Variants in GUCY1A2 observed in about 807,000 individuals in gnomAD.
GUCY1A2 encodes the protein guanylate cyclase soluble subunit alpha-2.
A neutral mutation model predicts 63.5 loss-of-function variants in GUCY1A2; 27 were observed. That is an observed-to-expected ratio of 0.43 (90% confidence interval 0.31 to 0.59). The LOEUF is 0.59. Among genes scored for constraint, GUCY1A2 ranks in the 20% least tolerant of loss-of-function variants. GUCY1A2 has a pLI of 0.11. For synonymous variants in GUCY1A2, 364 were observed against 343.5 expected (o/e 1.06, Z -0.66); for missense variants, 768 against 913.3 (o/e 0.84, Z 2.05).
intron 6 of GUCY1A2, among the ~76,000 whole-genome samples, chr11:106,755,108 T>G (rs1440440941): frequency 6.6e-6 from 1 of 152,208 alleles, no homozygotes; most frequent in Non-Finnish European, 1.5e-5. Flanking sequence ...ATTTATCAGT[T>G]TCTTCCTGAT....
chr11:106,920,428 C>T (rs1294144485), intron 4 of GUCY1A2, among the ~76,000 whole-genome samples: 1 of 152,044 alleles, frequency 6.6e-6, no homozygotes, highest in Non-Finnish European at 1.5e-5. Flanking sequence ...AAAAGAAAAA[C>T]TTCTAATGGC....
chr11:106,713,591 C>T (rs1174175880), intron 6 of GUCY1A2, among the ~76,000 whole-genome samples: 1 of 144,730 alleles, frequency 6.9e-6, no homozygotes, highest in Non-Finnish European at 1.5e-5. Context: ...ACTGCAAGCT[C>T]CGTCTCCCGG....
intron 1 of GUCY1A2, among the ~76,000 whole-genome samples, chr11:107,004,859 A>T (rs1047703778): frequency 6.6e-6 from 1 of 152,198 alleles, no homozygotes; most frequent in African/African-American, 2.4e-5. Context: ...ACCGAACAAT[A>T]GTCCTAAGGC....
chr11:106,721,356 G>C (rs764690126), intron 6 of GUCY1A2, among the ~76,000 whole-genome samples: 10 of 152,126 alleles, frequency 6.6e-5, no homozygotes, highest in Admixed American at 2.6e-4. Context: ...ACCGCGCCTG[G>C]CCAACAAAAT....
chr11:106,766,725 G>A (rs12785807), intron 6 of GUCY1A2, among the ~76,000 whole-genome samples: 16,551 of 151,940 alleles, frequency 0.11, 1,020 homozygotes, highest in Admixed American at 0.13. Context: ...GTTGTATCTT[G>A]CTATTTTCAT....
intron 4 of GUCY1A2, among the ~76,000 whole-genome samples, chr11:106,885,037 T>A (rs1476428216): frequency 6.6e-6 from 1 of 152,152 alleles, no homozygotes; most frequent in Non-Finnish European, 1.5e-5. Context: ...TAAAAGTACT[T>A]TGTACTAATC....
At chr11:106,957,543 T>C (rs1188906099) in intron 3 of GUCY1A2, among the ~76,000 whole-genome samples, 1 of 151,748 alleles carries the variant, frequency 6.6e-6, no homozygotes, top group Non-Finnish European at 1.5e-5. Flanking sequence ...GGGCTTCCCC[T>C]TCCCCGTGTG....
chr11:106,725,152 C>CTTTTTTTTTTTTT lies in GUCY1A2; in HGVS notation c.1837-16499_1837-16487dup, dbSNP rs773251118. 6.5e-4 allele frequency among the ~76,000 whole-genome samples: 15 copies of CTTTTTTTTTTTTT among 22,988 alleles called. 7 individuals are homozygous for CTTTTTTTTTTTTT. The East Asian group carries it at 8.7e-3, about 13-fold the overall frequency. 15.1% of individuals were successfully genotyped at this position (22,988 alleles called of 152,430 possible). A position where few individuals can be genotyped will look rare whatever the true frequency, so the allele number is the denominator to read the frequency against. ...ATGTATCTTCTTATTGACATAAATT[C>CTTTTTTTTTTTTT]TTTTTTTTTTTTTTTTTTTTTTTTT... On this transcript the variant is annotated intron_variant, in intron 6 of 7. Coordinates refer to ENST00000526355, the MANE Select transcript of GUCY1A2 (RefSeq NM_000855.3).
chr11:106,776,629 A>G (rs995687002), intron 5 of GUCY1A2, 47 bp from the exon 6 acceptor site: 2 of 1,574,102 alleles, frequency 1.3e-6, no homozygotes, highest in Admixed American at 1.8e-5. Context: ...TAATGAGCCC[A>G]AAGAGAAATG....
chr11:106,818,800 C>A (rs549673910), intron 4 of GUCY1A2, among the ~76,000 whole-genome samples: 1 of 151,998 alleles, frequency 6.6e-6, no homozygotes, highest in Non-Finnish European at 1.5e-5. Context: ...ATTGCTGATA[C>A]GGAGAAAGTT....
intron 6 of GUCY1A2, among the ~76,000 whole-genome samples, chr11:106,721,398 C>G (rs1863314750): frequency 6.6e-6 from 1 of 152,070 alleles, no homozygotes; most frequent in African/African-American, 2.4e-5. Context: ...TTCTTATCTT[C>G]AAATTCAGAC....
chr11:106,967,094 G>A (rs1331679629), intron 3 of GUCY1A2, among the ~76,000 whole-genome samples: 1 of 152,162 alleles, frequency 6.6e-6, no homozygotes, highest in African/African-American at 2.4e-5. Flanking sequence ...GGTATTTTCA[G>A]TCAACGTTTT....
Position 106,881,124 on chromosome 11 carries a change from T to C in GUCY1A2, c.1206+58336A>G, listed in dbSNP as rs117215612. Among the ~76,000 whole-genome samples, 810 of 152,252 alleles carry C rather than the reference T, an allele frequency of 5.3e-3. 39 individuals carry two copies. The East Asian group carries it at 0.12, about 23-fold the overall frequency. On this transcript the variant is annotated intron_variant, in intron 4 of 7. Transcript: ENST00000526355. Reference sequence around the variant, plus strand: ...CCTAATTGTCCAGTGGTTTGGATTGTGTTCAGACAGTGAACAACTAATACT... The same window carrying C: ...CCTAATTGTCCAGTGGTTTGGATTGCGTTCAGACAGTGAACAACTAATACT...
intron 6 of GUCY1A2, among the ~76,000 whole-genome samples, chr11:106,736,558 T>TA (rs1863593079): frequency 6.6e-6 from 1 of 152,154 alleles, no homozygotes; most frequent in Admixed American, 6.6e-5. Context: ...TTAAGTCAGG[T>TA]AATGTAATTT....
intron 2 of GUCY1A2, among the ~76,000 whole-genome samples, chr11:106,982,526 A>C (rs1222183593): frequency 1.3e-5 from 2 of 152,188 alleles, no homozygotes; most frequent in Non-Finnish European, 2.9e-5. Flanking sequence ...GAATATGTAG[A>C]GTTTATATAG....
At chr11:106,697,430 C>T (rs2135340554) in intron 7 of GUCY1A2, among the ~76,000 whole-genome samples, 1 of 152,252 alleles carries the variant, frequency 6.6e-6, no homozygotes, top group East Asian at 1.9e-4. Flanking sequence ...TCCAAACATG[C>T]TGTATTTTAT....
chr11:106,871,929 A>G (rs533694632), intron 4 of GUCY1A2, among the ~76,000 whole-genome samples: 1 of 152,174 alleles, frequency 6.6e-6, no homozygotes, highest in East Asian at 1.9e-4. Flanking sequence ...AGTATTTTAT[A>G]TTGCAAATTC....
At chr11:106,809,011 C>T (rs936679808) in intron 5 of GUCY1A2, among the ~76,000 whole-genome samples, 7 of 152,090 alleles carry the variant, frequency 4.6e-5, no homozygotes, top group African/African-American at 1.7e-4. Context: ...ACATTGGCTA[C>T]ATAGTCTACA....
At chr11:106,713,783 G>C (rs1218498069) in intron 6 of GUCY1A2, among the ~76,000 whole-genome samples, 1 of 151,854 alleles carries the variant, frequency 6.6e-6, no homozygotes, top group Non-Finnish European at 1.5e-5. Flanking sequence ...TGGGATTACA[G>C]GCGTGAGCCA....
Sources: allele counts gnomAD v4.1 joint callset (sites outside exome capture counted in the v4.1 genomes callset), GRCh38; gene constraint gnomAD v4.1.1; transcripts MANE v1.5; gene names NCBI Gene and HGNC (gene_info 2026-07-23, HGNC 2026-07-21).